Variants in MS4A6E observed in about 807,000 individuals in gnomAD.
MS4A6E encodes the protein membrane spanning 4-domains A6E, also known as membrane-spanning 4-domains subfamily A member 6E.
A neutral mutation model predicts 13.2 loss-of-function variants in MS4A6E; 8 were observed. That is an observed-to-expected ratio of 0.60 (90% CI 0.35 to 1.09). MS4A6E has a LOEUF of 1.09. Ranked by LOEUF, MS4A6E falls within the 50% of genes least tolerant of loss-of-function variation. The pLI is 0.02. For synonymous variants in MS4A6E, 72 were observed against 67.6 expected (o/e 1.06, Z -0.32); for missense variants, 177 against 171.1 (o/e 1.03, Z -0.19).
chr11:60,344,315 A>G (rs537900839), downstream of MS4A6E, among the ~76,000 whole-genome samples: 1 of 152,174 alleles, frequency 6.6e-6, no homozygotes, highest in Non-Finnish European at 1.5e-5. Flanking sequence ...ACCAGGAGAT[A>G]TTGGATGCCC....
At chr11:60,342,211 G>T (rs2085232261), downstream of MS4A6E, among the ~76,000 whole-genome samples, 2 of 143,524 alleles carry the variant, frequency 1.4e-5, no homozygotes, top group South Asian at 2.3e-4. Flanking sequence ...GGGGGGGGGA[G>T]AGAAAGACAG....
chr11:60,330,591 G>A (rs570499900), intron 1 of MS4A6E, among the ~76,000 whole-genome samples: 26 of 151,718 alleles, frequency 1.7e-4, no homozygotes, highest in Non-Finnish European at 2.5e-4. Context: ...CGCCCACCTC[G>A]GCCTCCCAAA....
At chr11:60,338,685 C>A (rs528776547) in intron 3 of MS4A6E, 2 of 152,232 alleles carry the variant, frequency 1.3e-5, no homozygotes, top group East Asian at 3.9e-4. Context: ...GCATGGCCAG[C>A]AACGCATTGA....
intron 1 of MS4A6E, among the ~76,000 whole-genome samples, chr11:60,327,754 G>T (rs538301937): frequency 6.6e-6 from 1 of 152,104 alleles, no homozygotes; most frequent in East Asian, 1.9e-4. Flanking sequence ...GGGGCCAGGC[G>T]CAGTGGTTCA....
intron 4 of MS4A6E, 110 bp downstream of exon 4, chr11:60,340,074 T>C (rs930767704): frequency 1.3e-6 from 2 of 1,512,208 alleles, no homozygotes; most frequent in East Asian, 2.4e-5. Flanking sequence ...AGTCATGAGA[T>C]ACACATGGGA....
At position 60,336,501 on chromosome 11, in the gene MS4A6E, C is replaced by T. The variant is rs1018732080; in HGVS notation, c.148-1240C>T. 3.9e-5 allele frequency among the ~76,000 whole-genome samples: 6 copies of T among 152,276 alleles called. No individual in the cohort carries two copies. The East Asian group carries it at 9.6e-4, about 24-fold the overall frequency. ...TGTGGTCTCGGGGTGGGCTCAGACT[C>T]ACCAGAGACATCGAGGCTTTAGTGA... On this transcript the variant is annotated intron_variant, in intron 2 of 4. Coordinates refer to ENST00000684409, the MANE Select transcript of MS4A6E (RefSeq NM_139249.4).
At chr11:60,332,289 G>T (rs1380935851) in intron 1 of MS4A6E, among the ~76,000 whole-genome samples, 1 of 152,148 alleles carries the variant, frequency 6.6e-6, no homozygotes, top group African/African-American at 2.4e-5. Flanking sequence ...CTGAAAGACG[G>T]AAACTCGGAT....
intron 2 of MS4A6E, among the ~76,000 whole-genome samples, chr11:60,336,014 C>G (rs1442983278): frequency 2.0e-5 from 3 of 152,102 alleles, no homozygotes; most frequent in Admixed American, 6.5e-5. Context: ...CACAGAAACT[C>G]AATTTGGAAG....
chr11:60,327,520 C>T lies in MS4A6E; in HGVS notation c.-15+112C>T, dbSNP rs1371562896. 3.9e-5 allele frequency among the ~76,000 whole-genome samples: 6 copies of T among 152,154 alleles called. No homozygotes were observed. The South Asian group carries it at 8.3e-4, about 21-fold the overall frequency. ...ACCAATAAGTGGAGTACTGCTGTAT[C>T]GAACACCTAAAAATGTGGAAGTGGC... On this transcript the variant is annotated intron_variant, in intron 1 of 4. Transcript: ENST00000684409.
At chr11:60,341,646 T>C (rs1442485252), downstream of MS4A6E, among the ~76,000 whole-genome samples, 1 of 152,154 alleles carries the variant, frequency 6.6e-6, no homozygotes, top group African/African-American at 2.4e-5. Context: ...TTATATGACC[T>C]CCATTTCTTT....
downstream of MS4A6E, among the ~76,000 whole-genome samples, chr11:60,341,395 G>T (rs1388517643): frequency 1.3e-5 from 2 of 152,058 alleles, no homozygotes; most frequent in Non-Finnish European, 2.9e-5. Flanking sequence ...AATCAACAAT[G>T]ACAGACATAA....
At chr11:60,327,557 G>A (rs190607491) in intron 1 of MS4A6E, among the ~76,000 whole-genome samples, 149 bp downstream of exon 1, 1 of 152,278 alleles carries the variant, frequency 6.6e-6, no homozygotes, top group Admixed American at 6.5e-5. Flanking sequence ...TTGGAACTGG[G>A]TAATGGGTAG....
chr11:60,330,733 G>T (rs867992360), intron 1 of MS4A6E, among the ~76,000 whole-genome samples: 50 of 152,164 alleles, frequency 3.3e-4, no homozygotes, highest in African/African-American at 1.2e-3. Context: ...TTTCTTCTAT[G>T]GTTTTTATGG....
intron 3 of MS4A6E, among the ~76,000 whole-genome samples, chr11:60,338,989 A>T (rs768805286): frequency 2.6e-4 from 39 of 152,202 alleles, no homozygotes; most frequent in Non-Finnish European, 4.7e-4. Flanking sequence ...TAAATTCATG[A>T]TGGGACGATT....
intron 1 of MS4A6E, among the ~76,000 whole-genome samples, 129 bp downstream of exon 1, chr11:60,327,537 G>A (rs1020319144): frequency 1.3e-5 from 2 of 152,178 alleles, no homozygotes; most frequent in African/African-American, 4.8e-5. Context: ...CTAAAAATGT[G>A]GAAGTGGCAT....
downstream of MS4A6E, among the ~76,000 whole-genome samples, chr11:60,342,779 C>T: frequency 6.6e-6 from 1 of 152,200 alleles, no homozygotes; most frequent in East Asian, 1.9e-4. Context: ...TTGCAAGCTT[C>T]CAGCTTGCTT....
At chr11:60,329,533 GT>G (rs760164100) in intron 1 of MS4A6E, among the ~76,000 whole-genome samples, 7 of 152,108 alleles carry the variant, frequency 4.6e-5, no homozygotes, top group Non-Finnish European at 1.0e-4. Flanking sequence ...GGGTCAAATG[GT>G]ATTTCAAGTT....
intron 4 of MS4A6E, among the ~76,000 whole-genome samples, chr11:60,347,011 A>G (rs7938293): frequency 0.22 from 33,995 of 152,072 alleles, 3,872 homozygotes; most frequent in African/African-American, 0.25. Context: ...AGGTCCTGAA[A>G]TGAGCAGGAA....
intron 1 of MS4A6E, among the ~76,000 whole-genome samples, chr11:60,329,950 T>C (rs374511565): frequency 0.017 from 2,492 of 145,564 alleles, 61 homozygotes; most frequent in East Asian, 0.077. Flanking sequence ...CTCAGCCTCC[T>C]GAGTAGCTGA....
Sources: allele counts gnomAD v4.1 joint callset (sites outside exome capture counted in the v4.1 genomes callset), GRCh38; gene constraint gnomAD v4.1.1; transcripts MANE v1.5; gene names NCBI Gene and HGNC (gene_info 2026-07-23, HGNC 2026-07-21).